Variants in RAB40A observed in about 807,000 individuals in gnomAD.
RAB40A encodes the protein RAB40A, member RAS oncogene family.
For synonymous variants in RAB40A, 65 were observed against 99.9 expected, an observed-to-expected ratio of 0.65 and a Z score of 2.08; for missense variants, 145 against 230.2, an observed-to-expected ratio of 0.63 and a Z score of 2.40.
At chrX:103,501,723 T>C (rs1325544232) in intron 2 of RAB40A, 2 of 123,792 alleles carry the variant, frequency 1.6e-5, no homozygotes, top group Admixed American at 9.4e-5. Flanking sequence ...TCTAGCTCAC[T>C]AATACATTAA....
intron 2 of RAB40A, among the ~76,000 whole-genome samples, chrX:103,508,188 T>C (rs1228519106): frequency 1.8e-5 from 2 of 112,042 alleles, no homozygotes; most frequent in Non-Finnish European, 3.8e-5. Flanking sequence ...TCACCTCCTC[T>C]GTCTTCCTCA....
At chrX:103,514,777 T>G (rs974278189) in intron 2 of RAB40A, among the ~76,000 whole-genome samples, 27 of 112,425 alleles carry the variant, frequency 2.4e-4, no homozygotes, top group African/African-American at 8.4e-4. Flanking sequence ...TTTCTATGAC[T>G]AGTTCTGATT....
chrX:103,493,282 CTTTTAT>C, the RAB40A span, among the ~76,000 whole-genome samples: 702 of 111,143 alleles, frequency 6.3e-3, 14 homozygotes, highest in Admixed American at 0.062. Flanking sequence ...GTTTTAAAAT[CTTTTAT>C]TTTTAATTTT....
intron 2 of RAB40A, chrX:103,503,373 T>G (rs919577399): frequency 2.7e-6 from 2 of 750,748 alleles, no homozygotes; most frequent in African/African-American, 4.7e-5. Flanking sequence ...GCACGGGCAA[T>G]GGAGGCTAAA....
downstream of RAB40A, chrX:103,499,122 AT>A (rs2073205203): frequency 8.7e-6 from 1 of 115,107 alleles, no homozygotes; most frequent in South Asian, 3.7e-4. Context: ...AAAGAGAAAA[AT>A]ATATACTTTT....
intron 1 of RAB40A, 38 bp from the exon 2 acceptor site, chrX:103,517,563 C>A (rs1484182984): frequency 8.9e-6 from 1 of 112,071 alleles, no homozygotes; most frequent in African/African-American, 3.2e-5. Context: ...TACATGGAAT[C>A]AAAGGAATGA....
intron 2 of RAB40A, among the ~76,000 whole-genome samples, chrX:103,513,487 G>A (rs904964733): frequency 0.062 from 12 of 195 alleles, no homozygotes; most frequent in Non-Finnish European, 0.091. Context: ...ATATTAAACC[G>A]AAAGAAAATA....
Position 103,499,752 on chromosome X carries a change from C to T in RAB40A, c.*171G>A. ...ATCCAAATAGAAATTCAAAGTCAAA[C>T]TGTGTAATGTGTTTTTATTGACAGA... is the stretch of plus-strand genomic sequence containing the variant. On this transcript the variant is annotated 3_prime_UTR_variant, in exon 3 of 3. Transcript: ENST00000304236. 1 of 542,723 alleles carries T rather than the reference C, an allele frequency of 1.8e-6. No homozygotes were observed. Among genetic ancestry groups the T allele is most frequent in the Non-Finnish European group, 3.1e-6 (1 of 327,361 alleles). The allele number at this position is 542,723 out of a possible 1,213,427, so 44.7% of individuals were successfully genotyped here.
chrX:103,508,430 T>C (rs887634266), intron 2 of RAB40A, among the ~76,000 whole-genome samples: 7 of 111,828 alleles, frequency 6.3e-5, no homozygotes, highest in African/African-American at 2.3e-4. Flanking sequence ...ACCATACCAT[T>C]CTTACTGAGC....
chrX:103,509,951 A>G (rs2073280088), intron 2 of RAB40A, among the ~76,000 whole-genome samples: 1 of 109,891 alleles, frequency 9.1e-6, no homozygotes, highest in Non-Finnish European at 1.9e-5. Context: ...GATTACAGGC[A>G]TGTGCCACCA....
Position 103,514,598 on chromosome X carries a change from G to A in RAB40A, c.-71+2776C>T, listed in dbSNP as rs767614162. Among the ~76,000 whole-genome samples the A allele has an allele frequency of 2.2e-4, 24 of 111,541 alleles. No homozygotes were observed. In the South Asian group the frequency reaches 8.5e-3, roughly 39 times the overall value. On this transcript the variant is annotated intron_variant, in intron 2 of 2. Coordinates refer to ENST00000304236, the MANE Select transcript of RAB40A (RefSeq NM_080879.3). Reference sequence around the variant, plus strand: ...ACTCCTGGTCTCAAGTGATCCACCCGTCTCAACCTCCCAGAGTACAAGGAT... The same window carrying A: ...ACTCCTGGTCTCAAGTGATCCACCCATCTCAACCTCCCAGAGTACAAGGAT...
intron 2 of RAB40A, among the ~76,000 whole-genome samples, chrX:103,511,582 C>G (rs927968654): frequency 9.1e-6 from 1 of 110,058 alleles, no homozygotes; most frequent in African/African-American, 3.3e-5. Context: ...TCATTCTCAG[C>G]AAACTAACAC....
intron 2 of RAB40A, among the ~76,000 whole-genome samples, chrX:103,507,135 G>A (rs951960549): frequency 9.2e-6 from 1 of 108,479 alleles, no homozygotes; most frequent in African/African-American, 3.4e-5. Context: ...AACATGTGGT[G>A]TTTGGTTTTC....
chrX:103,514,113 T>C (rs983648232), intron 2 of RAB40A, among the ~76,000 whole-genome samples: 1 of 111,811 alleles, frequency 8.9e-6, no homozygotes, highest in African/African-American at 3.3e-5. Context: ...AAGAGGCATA[T>C]ATGGCAGGTC....
Position 103,499,209 on chromosome X carries a change from T to C in RAB40A, c.*714A>G, listed in dbSNP as rs1013039894. Reference sequence around the variant, plus strand: ...GAAATGGTTTTTTCTTATTGATCCATTGAAACCATATTGGCTATGTTCAAC... The same window carrying C: ...GAAATGGTTTTTTCTTATTGATCCACTGAAACCATATTGGCTATGTTCAAC... On this transcript the variant is annotated 3_prime_UTR_variant, in exon 3 of 3. Coordinates refer to ENST00000304236, the MANE Select transcript of RAB40A (RefSeq NM_080879.3). The C allele has an allele frequency of 4.2e-5, 5 of 120,359 alleles. No individual in the cohort carries two copies. The highest frequency in any genetic ancestry group is 9.4e-5 in the Admixed American group (1 of 10,675). The allele number at this position is 120,359 out of a possible 1,213,427, so 9.9% of individuals were successfully genotyped here. A position where few individuals can be genotyped will look rare whatever the true frequency, so the allele number is the denominator to read the frequency against.
chrX:103,495,418 T>C (rs892684574), downstream of RAB40A, among the ~76,000 whole-genome samples: 2 of 111,613 alleles, frequency 1.8e-5, no homozygotes, highest in Non-Finnish European at 3.8e-5. Flanking sequence ...TCTTGTCTGA[T>C]TGCTGTAGCT....
At chrX:103,504,927 A>G (rs1002332925) in intron 2 of RAB40A, among the ~76,000 whole-genome samples, 3 of 112,491 alleles carry the variant, frequency 2.7e-5, no homozygotes, top group African/African-American at 9.7e-5. Flanking sequence ...ACTTATGTTT[A>G]CAAGAACTTT....
chrX:103,498,185 C>T (rs1449149943), downstream of RAB40A, among the ~76,000 whole-genome samples: 4 of 111,426 alleles, frequency 3.6e-5, no homozygotes, highest in African/African-American at 9.8e-5. Flanking sequence ...TATGCATCCC[C>T]GATCTGCATG....
rs763110175 is a variant in RAB40A at position 103,507,018 on chromosome X, C to A, written c.-70-6192G>T. On this transcript the variant is annotated intron_variant, in intron 2 of 2. Coordinates refer to ENST00000304236, the MANE Select transcript of RAB40A (RefSeq NM_080879.3). ...TGGTTTGCTGCACCTATTGACCCAT[C>A]CTCTAAGTTCCCTCCCCTCACCCCC... 2.7e-5 allele frequency among the ~76,000 whole-genome samples: 3 copies of A among 110,419 alleles called. No homozygotes were observed. The East Asian group carries it at 8.5e-4, about 31-fold the overall frequency.
Sources: gnomAD v4.1 joint callset for allele counts (sites outside exome capture counted in the v4.1 genomes callset) on GRCh38, gnomAD v4.1.1 for gene constraint, MANE v1.5 for transcripts, NCBI Gene and HGNC (gene_info 2026-07-23, HGNC 2026-07-21) for gene names.